The following COL21A1 variants were observed in gnomAD, a reference collection of about 807,000 sequenced individuals.
COL21A1 encodes the protein collagen alpha-1(XXI) chain.
In COL21A1, 149 loss-of-function variants were observed where a neutral mutation model predicts 137.9. The observed-to-expected ratio is 1.08, with a 90% CI of 0.95 to 1.24. The LOEUF (loss-of-function observed/expected upper bound fraction) is 1.24. COL21A1 is among the 50% of genes most tolerant of loss of function. The probability of loss-of-function intolerance (pLI) is 0.00; values close to 1 mark genes in which losing one functional copy is unlikely to be tolerated. For synonymous variants in COL21A1, 456 were observed against 391.5 expected (o/e 1.16, Z -1.95); for missense variants, 1,167 against 1,158.4 (o/e 1.01, Z -0.11).
chr6:56,228,433 C>A (rs928243784), intron 1 of COL21A1, among the ~76,000 whole-genome samples: 1 of 151,654 alleles, frequency 6.6e-6, no homozygotes, highest in Non-Finnish European at 1.5e-5. Flanking sequence ...CTGGCTTGAA[C>A]GTCTTGTAGA....
intron 1 of COL21A1, among the ~76,000 whole-genome samples, chr6:56,296,455 G>A (rs1158982990): frequency 6.6e-6 from 1 of 151,886 alleles, no homozygotes; most frequent in East Asian, 1.9e-4. Flanking sequence ...ATACTTAGCT[G>A]TATCTCCAAT....
At chr6:56,344,952 T>A (rs1344619832) in intron 1 of COL21A1, among the ~76,000 whole-genome samples, 1 of 152,192 alleles carries the variant, frequency 6.6e-6, no homozygotes, top group Admixed American at 6.5e-5. Context: ...CTTTATAAAT[T>A]ACCCAGTCTT....
chr6:56,267,205 A>T (rs1763412522), intron 1 of COL21A1, among the ~76,000 whole-genome samples: 1 of 152,248 alleles, frequency 6.6e-6, no homozygotes, highest in Non-Finnish European at 1.5e-5. Flanking sequence ...GAGTCAACAA[A>T]GTACTAAGCA....
chr6:56,081,128 A>G (rs766813419), intron 17 of COL21A1, among the ~76,000 whole-genome samples: 141 of 151,934 alleles, frequency 9.3e-4, no homozygotes, highest in Non-Finnish European at 1.9e-3. Context: ...ACAAATTTTT[A>G]TAACTGTCTC....
At position 56,330,059 on chromosome 6, in the gene COL21A1, A is replaced by C. The variant is rs576524073; in HGVS notation, c.-39+63912T>G. On this transcript the variant is annotated intron_variant, in intron 1 of 28. Coordinates refer to the COL21A1 transcript ENST00000370819. ...ATAACCTCTATTAGATCTTAAAATC[A>C]GTGGAAGTCTACAAGCACACTTGGT... Among the ~76,000 whole-genome samples the C allele has an allele frequency of 7.9e-5, 12 of 152,244 alleles. No individual in the cohort carries two copies. The East Asian group carries it at 2.3e-3, about 29-fold the overall frequency.
intron 23 of COL21A1, among the ~76,000 whole-genome samples, chr6:56,065,452 G>C (rs1766158191): frequency 6.6e-6 from 1 of 152,040 alleles, no homozygotes; most frequent in Non-Finnish European, 1.5e-5. Flanking sequence ...TGTGGTAAGA[G>C]AGATAAGCAA....
chr6:56,102,346 T>G (rs1770533431), intron 16 of COL21A1, among the ~76,000 whole-genome samples: 2 of 152,126 alleles, frequency 1.3e-5, no homozygotes, highest in Non-Finnish European at 2.9e-5. Flanking sequence ...CACCCCAGAC[T>G]TTTTGAAATC....
chr6:56,215,265 A>AG (rs1780411468), intron 1 of COL21A1, among the ~76,000 whole-genome samples: 1 of 152,044 alleles, frequency 6.6e-6, no homozygotes, highest in African/African-American at 2.4e-5. Context: ...GAGTGTGGGT[A>AG]GCACCTCTCT....
At chr6:56,343,116 A>AC (rs1379112134) in intron 1 of COL21A1, among the ~76,000 whole-genome samples, 1 of 152,016 alleles carries the variant, frequency 6.6e-6, no homozygotes, top group Admixed American at 6.6e-5. Flanking sequence ...ATTCCTGGGG[A>AC]CCCATCTGTA....
In COL21A1 at chr6:56,101,541, C is replaced by T. The variant is rs866724936; in HGVS notation, c.1759-16G>A. The T allele has an allele frequency of 8.9e-6, 14 of 1,569,902 alleles. No homozygotes were observed. The highest frequency in any genetic ancestry group is 6.8e-5 in the African/African-American group (5 of 73,844). The stretch of plus-strand genomic sequence containing the variant: ...CTGCTTCTCCCTTTTAATGATTTGA[C>T]AAAAAGAAATAGAGAATTCAGTTTT... On this transcript the variant is annotated splice_polypyrimidine_tract_variant and intron_variant, in intron 16 of 29. Coordinates refer to ENST00000244728, the MANE Select transcript of COL21A1 (RefSeq NM_030820.4).
At chr6:56,308,499 T>C (rs1764523661) in intron 1 of COL21A1, among the ~76,000 whole-genome samples, 1 of 152,240 alleles carries the variant, frequency 6.6e-6, no homozygotes, top group Non-Finnish European at 1.5e-5. Context: ...CATGGCATGA[T>C]TCTATTAATA....
chr6:56,311,499 AC>A (rs1384521145), intron 1 of COL21A1, among the ~76,000 whole-genome samples: 1 of 152,240 alleles, frequency 6.6e-6, no homozygotes, highest in Admixed American at 6.5e-5. Flanking sequence ...TTGCACCGTG[AC>A]AAAGTAACTT....
intron 16 of COL21A1, among the ~76,000 whole-genome samples, chr6:56,112,359 C>A (rs975073807): frequency 7.2e-5 from 11 of 152,150 alleles, no homozygotes; most frequent in African/African-American, 2.7e-4. Flanking sequence ...CCAGCAAGAA[C>A]ACCAAGTTAA....
At chr6:56,164,571 T>A (rs926222785) in intron 8 of COL21A1, 65 bp from the exon 9 acceptor site, 4 of 1,168,058 alleles carry the variant, frequency 3.4e-6, no homozygotes, top group Non-Finnish European at 3.7e-6. Flanking sequence ...TGCACACGTA[T>A]GTTTATGCAT....
chr6:56,080,455 A>G (rs1016944615), intron 17 of COL21A1, among the ~76,000 whole-genome samples: 1 of 151,818 alleles, frequency 6.6e-6, no homozygotes, highest in African/African-American at 2.4e-5. Context: ...AGTTGTTAAG[A>G]ATAGAAATAC....
At chr6:56,145,064 T>G (rs1426396393) in intron 10 of COL21A1, among the ~76,000 whole-genome samples, 1 of 152,206 alleles carries the variant, frequency 6.6e-6, no homozygotes, top group Non-Finnish European at 1.5e-5. Context: ...AGAATACTTC[T>G]GCAGAATGTT....
chr6:56,373,122 T>G (rs549242777), intron 1 of COL21A1, among the ~76,000 whole-genome samples: 2 of 152,222 alleles, frequency 1.3e-5, no homozygotes, highest in Non-Finnish European at 2.9e-5. Flanking sequence ...AGGTTCAGTG[T>G]CAGGTCTGTG....
chr6:56,272,532 C>A (rs1189124383), intron 1 of COL21A1, among the ~76,000 whole-genome samples: 2 of 152,222 alleles, frequency 1.3e-5, no homozygotes, highest in African/African-American at 4.8e-5. Flanking sequence ...GTTACAAAGG[C>A]ATAATTGGTT....
intron 1 of COL21A1, among the ~76,000 whole-genome samples, chr6:56,256,213 A>G (rs1782968518): frequency 6.6e-6 from 1 of 152,228 alleles, no homozygotes; most frequent in African/African-American, 2.4e-5. Context: ...AACACTTCTC[A>G]GCTCCAGCTA....
Sources: gnomAD v4.1 joint callset for allele counts (sites outside exome capture counted in the v4.1 genomes callset) on GRCh38, gnomAD v4.1.1 for gene constraint, MANE v1.5 for transcripts, NCBI Gene and HGNC (gene_info 2026-07-23, HGNC 2026-07-21) for gene names.